ADAMTSL1: variants seen among roughly 807,000 people sequenced by gnomAD.
ADAMTSL1 encodes the protein ADAMTS-like protein 1.
Under a neutral mutation model 201.8 loss-of-function variants are expected in ADAMTSL1, and 126 were observed. The observed-to-expected ratio is 0.62, with a 90% CI of 0.54 to 0.72. The LOEUF (loss-of-function observed/expected upper bound fraction) is 0.72, where lower values mean the gene tolerates loss of function less well. Ranked by LOEUF, ADAMTSL1 falls within the 30% of genes least tolerant of loss-of-function variation. The pLI is 0.00. For synonymous variants in ADAMTSL1, 1,121 were observed against 903.4 expected, an observed-to-expected ratio of 1.24 and a Z score of -4.32; for missense variants, 2,679 against 2,277.8, an observed-to-expected ratio of 1.18 and a Z score of -3.59.
intron 15 of ADAMTSL1, among the ~76,000 whole-genome samples, chr9:18,728,347 T>C (rs1162623918): frequency 3.3e-5 from 5 of 152,292 alleles, no homozygotes; most frequent in South Asian, 2.1e-4. Flanking sequence ...GACAGCACTT[T>C]AGACCACATA....
chr9:18,893,145 C>T (rs1398534526), intron 26 of ADAMTSL1, among the ~76,000 whole-genome samples: 2 of 152,006 alleles, frequency 1.3e-5, no homozygotes, highest in South Asian at 2.1e-4. Flanking sequence ...GCTTCATAAT[C>T]AAACAGGCAT....
At position 18,484,339 on chromosome 9, in the gene ADAMTSL1, G is replaced by A. The variant is rs1053888891; in HGVS notation, c.63+10044G>A. Among the ~76,000 whole-genome samples the A allele has an allele frequency of 9.9e-5, 15 of 152,074 alleles. 1 individual carries two copies. The highest frequency in any genetic ancestry group is 1.3e-4 in the Admixed American group (2 of 15,272). ...TATATTTAACTATTGCTGATGTAACGGGGTTTCTGCCTAAAGAAATAGACA... is the reference window on the plus strand; with the variant it reads ...TATATTTAACTATTGCTGATGTAACAGGGTTTCTGCCTAAAGAAATAGACA... On this transcript the variant is annotated intron_variant, in intron 1 of 28. Transcript: ENST00000380548.
chr9:18,648,818 AC>A (rs1388933308), intron 7 of ADAMTSL1, among the ~76,000 whole-genome samples: 1 of 152,014 alleles, frequency 6.6e-6, no homozygotes, highest in East Asian at 1.9e-4. Context: ...GCTGCCCTTA[AC>A]ATTTTTTCCT....
chr9:18,645,763 C>G (rs1376118970), intron 7 of ADAMTSL1, among the ~76,000 whole-genome samples: 1 of 144,716 alleles, frequency 6.9e-6, no homozygotes, highest in Non-Finnish European at 1.5e-5. Context: ...TGTTTTGGTA[C>G]CAGTACCATG....
At chr9:17,989,356 A>T (rs115791005) in intron 1 of ADAMTSL1, among the ~76,000 whole-genome samples, 1 of 151,976 alleles carries the variant, frequency 6.6e-6, no homozygotes, top group Non-Finnish European at 1.5e-5. Flanking sequence ...TCAGGCTCAC[A>T]ATAGAATTAT....
chr9:18,054,792 T>G (rs1403201176), intron 1 of ADAMTSL1, among the ~76,000 whole-genome samples: 1 of 152,228 alleles, frequency 6.6e-6, no homozygotes, highest in Non-Finnish European at 1.5e-5. Context: ...TCCATATATT[T>G]CCAGATGCTT....
chr9:18,904,229 G>A (rs1830163135), intron 26 of ADAMTSL1, among the ~76,000 whole-genome samples: 1 of 152,118 alleles, frequency 6.6e-6, no homozygotes, highest in Non-Finnish European at 1.5e-5. Flanking sequence ...AGCACTTTGG[G>A]AGGCCAAGGC....
intron 2 of ADAMTSL1, among the ~76,000 whole-genome samples, chr9:18,178,854 A>G (rs1400434269): frequency 6.6e-6 from 1 of 152,168 alleles, no homozygotes; most frequent in Non-Finnish European, 1.5e-5. Context: ...CAGAAAGGAC[A>G]TCCACACCAA....
At chr9:18,032,389 C>G (rs1274495977) in intron 1 of ADAMTSL1, among the ~76,000 whole-genome samples, 1 of 152,206 alleles carries the variant, frequency 6.6e-6, no homozygotes, top group African/African-American at 2.4e-5. Context: ...TGAGTACTGG[C>G]TGTGCTGAGG....
At chr9:18,885,894 C>T (rs979215539) in intron 23 of ADAMTSL1, among the ~76,000 whole-genome samples, 1 of 151,998 alleles carries the variant, frequency 6.6e-6, no homozygotes, top group Non-Finnish European at 1.5e-5. Context: ...CTCCTAACCT[C>T]TCTAGGCCTC....
At chr9:18,890,683 C>T (rs1455759036) in intron 25 of ADAMTSL1, 1 of 444,470 alleles carries the variant, frequency 2.2e-6, no homozygotes, top group African/African-American at 2.0e-5. Context: ...TTATACCCTT[C>T]CTGAACTGTA....
chr9:18,754,023 T>A (rs1183017959), intron 16 of ADAMTSL1, among the ~76,000 whole-genome samples: 1 of 152,242 alleles, frequency 6.6e-6, no homozygotes, highest in East Asian at 1.9e-4. Flanking sequence ...TGGGAACCAC[T>A]GTTTCAAAAC....
At chr9:17,921,758 A>G (rs1047237933) in intron 1 of ADAMTSL1, among the ~76,000 whole-genome samples, 1 of 152,090 alleles carries the variant, frequency 6.6e-6, no homozygotes. Context: ...GCAAGTACAA[A>G]TGTCAGAATT....
intron 8 of ADAMTSL1, among the ~76,000 whole-genome samples, chr9:18,659,056 A>T (rs1828894239): frequency 6.6e-6 from 1 of 152,222 alleles, no homozygotes; most frequent in Admixed American, 6.5e-5. Context: ...AATGGATATA[A>T]AATTATATGT....
chr9:17,932,230 T>G (rs1435712147), intron 1 of ADAMTSL1, among the ~76,000 whole-genome samples: 1 of 152,184 alleles, frequency 6.6e-6, no homozygotes, highest in African/African-American at 2.4e-5. Context: ...TGTTTTTAGC[T>G]GCCACTGTTA....
At chr9:18,074,104 G>C (rs1485388220) in intron 1 of ADAMTSL1, among the ~76,000 whole-genome samples, 1 of 152,110 alleles carries the variant, frequency 6.6e-6, no homozygotes, top group East Asian at 1.9e-4. Flanking sequence ...TACGCTTTGA[G>C]CATTGGGGAC....
chr9:18,613,908 G>A lies in ADAMTSL1; in HGVS notation c.475-8335G>A, dbSNP rs150072656. Among the ~76,000 whole-genome samples the A allele has an allele frequency of 8.5e-3, 1,301 of 152,246 alleles. 20 individuals carry two copies. Among genetic ancestry groups the A allele is most frequent in the African/African-American group, 0.03 (1,238 of 41,552 alleles). On this transcript the variant is annotated intron_variant, in intron 4 of 28. Coordinates refer to ENST00000380548, the MANE Select transcript of ADAMTSL1 (RefSeq NM_001040272.6). ...TTAAAAGTTAAAAATTAAATATTAT[G>A]ACTGAGGAGAAATACAGCTTTAAAT...
At chr9:18,411,397 C>T (rs1430450307) in intron 2 of ADAMTSL1, among the ~76,000 whole-genome samples, 2 of 151,780 alleles carry the variant, frequency 1.3e-5, no homozygotes, top group African/African-American at 2.4e-5. Flanking sequence ...CTGGGTTTCA[C>T]CATGTTGCCC....
At chr9:18,539,352 G>A (rs999228191) in intron 3 of ADAMTSL1, among the ~76,000 whole-genome samples, 2 of 152,098 alleles carry the variant, frequency 1.3e-5, no homozygotes, top group African/African-American at 2.4e-5. Context: ...AAAGTATGAC[G>A]CACGCTATCA....
Sources: allele counts gnomAD v4.1 joint callset (sites outside exome capture counted in the v4.1 genomes callset), GRCh38; gene constraint gnomAD v4.1.1; transcripts MANE v1.5; gene names NCBI Gene and HGNC (gene_info 2026-07-23, HGNC 2026-07-21).